The following RBFOX3 variants were observed in gnomAD, a reference collection of about 807,000 sequenced individuals.
The protein encoded by RBFOX3 is RNA binding protein fox-1 homolog 3.
In RBFOX3, 17 loss-of-function variants were observed where a neutral mutation model predicts 48.7. The ratio of observed to expected loss-of-function variants is 0.35; its 90% CI spans 0.24 to 0.52. The LOEUF (loss-of-function observed/expected upper bound fraction) is 0.52, where lower values mean the gene tolerates loss of function less well. RBFOX3 is among the 20% of genes least tolerant of loss of function. The pLI is 0.94. For synonymous variants in RBFOX3, 212 were observed against 209.5 expected, an observed-to-expected ratio of 1.01 and a Z score of -0.10; for missense variants, 382 against 497.5, an observed-to-expected ratio of 0.77 and a Z score of 2.21.
At chr17:79,173,242 A>C (rs2049780421) in intron 4 of RBFOX3, among the ~76,000 whole-genome samples, 1 of 152,232 alleles carries the variant, frequency 6.6e-6, no homozygotes. Context: ...ATACATACGT[A>C]CATACTACTA....
intron 1 of RBFOX3, chr17:79,600,090 C>T (rs2093670109): frequency 6.6e-6 from 1 of 152,228 alleles, no homozygotes; most frequent in East Asian, 1.9e-4. Context: ...TGCTCAGAAG[C>T]CCAGCTCCCG....
At chr17:79,654,372 A>C in the RBFOX3 span, among the ~76,000 whole-genome samples, 2 of 152,250 alleles carry the variant, frequency 1.3e-5, no homozygotes, top group African/African-American at 4.8e-5. Context: ...GTCAGGGAGC[A>C]GGGAAAGGGA....
intron 3 of RBFOX3, among the ~76,000 whole-genome samples, chr17:79,304,657 C>T (rs1447481544): frequency 6.6e-6 from 1 of 152,136 alleles, no homozygotes; most frequent in Admixed American, 6.5e-5. Flanking sequence ...AAGATACTGA[C>T]CTGACTTTAA....
intron 2 of RBFOX3, among the ~76,000 whole-genome samples, chr17:79,453,291 G>T (rs1465179520): frequency 6.6e-6 from 1 of 152,216 alleles, no homozygotes; most frequent in Non-Finnish European, 1.5e-5. Context: ...AGGCCCTCTG[G>T]GGCAGTGGCT....
chr17:79,615,057 A>C (rs890551241), upstream of RBFOX3, among the ~76,000 whole-genome samples: 18 of 138,326 alleles, frequency 1.3e-4, no homozygotes, highest in African/African-American at 5.9e-4. Flanking sequence ...AAAGTAAATC[A>C]CTGAAGAAAA....
chr17:79,549,668 A>AAGAGCCCTGTGGGG (rs1418826937), intron 1 of RBFOX3, among the ~76,000 whole-genome samples: 4 of 152,182 alleles, frequency 2.6e-5, no homozygotes, highest in African/African-American at 9.6e-5. Flanking sequence ...GCACTGGGGA[A>AAGAGCCCTGTGGGG]GGAGACAAAG....
At chr17:79,520,727 G>C (rs1185537620) in intron 1 of RBFOX3, among the ~76,000 whole-genome samples, 1 of 152,210 alleles carries the variant, frequency 6.6e-6, no homozygotes, top group Non-Finnish European at 1.5e-5. Flanking sequence ...CACAAGGGTG[G>C]GGTTCGTGTT....
intron 2 of RBFOX3, among the ~76,000 whole-genome samples, chr17:79,326,535 T>G (rs915194600): frequency 2.9e-4 from 44 of 152,148 alleles, no homozygotes; most frequent in African/African-American, 8.7e-4. Flanking sequence ...TATTCTTACT[T>G]TATAGGTGAG....
the RBFOX3 span, among the ~76,000 whole-genome samples, chr17:79,629,641 G>A: frequency 1.3e-5 from 2 of 152,240 alleles, no homozygotes; most frequent in African/African-American, 4.8e-5. Context: ...CCACTTATAG[G>A]AATTTACCCT....
At chr17:79,347,799 G>C (rs1339154892) in intron 2 of RBFOX3, among the ~76,000 whole-genome samples, 1 of 152,068 alleles carries the variant, frequency 6.6e-6, no homozygotes, top group Admixed American at 6.5e-5. Context: ...TGGTCCCTCT[G>C]TTCTGGTATT....
intron 4 of RBFOX3, among the ~76,000 whole-genome samples, chr17:79,166,536 AAGGGTCCCGAGGGAGGGC>A (rs2048050125): frequency 6.6e-6 from 1 of 152,084 alleles, no homozygotes; most frequent in South Asian, 2.1e-4. Context: ...GGGGCTTCGG[AAGGGTCCCGAGGGAGGGC>A]AGAGCCTCAG....
intron 4 of RBFOX3, chr17:79,132,713 C>G (rs1186743966): frequency 6.6e-6 from 1 of 152,212 alleles, no homozygotes; most frequent in Non-Finnish European, 1.5e-5. Flanking sequence ...CTCACTGGCC[C>G]TCCCCTGGGG....
At chr17:79,197,115 G>A (rs770882709) in intron 4 of RBFOX3, among the ~76,000 whole-genome samples, 44 of 152,272 alleles carry the variant, frequency 2.9e-4, no homozygotes, top group Non-Finnish European at 4.0e-4. Context: ...CTGGGCACGC[G>A]TGGGTAAAAT....
chr17:79,103,647 C>T lies in RBFOX3; in HGVS notation c.415-393G>A, dbSNP rs936015186. Among the ~76,000 whole-genome samples the T allele has an allele frequency of 3.9e-5, 6 of 152,118 alleles. No individual in the cohort carries two copies. The highest frequency in any genetic ancestry group is 1.4e-4 in the African/African-American group (6 of 41,418). ...CTTCAGGACCTGCAGGGGCAGCCCA[C>T]CCATCTCCACCCTCGGAGCCCAGGG... On this transcript the variant is annotated intron_variant, in intron 7 of 14. Coordinates refer to ENST00000693108, the MANE Select transcript of RBFOX3 (RefSeq NM_001350451.2). This position sits in a 1 kb window ranked among gnomAD's most constrained non-coding sequence, Gnocchi z 6.1.
At chr17:79,518,634 G>C (rs1048951750) in intron 1 of RBFOX3, among the ~76,000 whole-genome samples, 1 of 152,218 alleles carries the variant, frequency 6.6e-6, no homozygotes. Flanking sequence ...CAGGCCTGGC[G>C]GAACAGCCCC....
intron 2 of RBFOX3, among the ~76,000 whole-genome samples, chr17:79,441,072 A>G (rs879992827): frequency 1.3e-5 from 2 of 152,250 alleles, no homozygotes; most frequent in Non-Finnish European, 2.9e-5. Context: ...CGAGTGGATC[A>G]GGACCCCAGG....
At chr17:79,459,217 C>T (rs138289071) in intron 2 of RBFOX3, among the ~76,000 whole-genome samples, 9 of 152,284 alleles carry the variant, frequency 5.9e-5, no homozygotes, top group East Asian at 3.9e-4. Context: ...GCAGCAATGC[C>T]GCAGCGTCAC....
intron 1 of RBFOX3, among the ~76,000 whole-genome samples, chr17:79,573,325 G>A (rs1049139583): frequency 3.3e-5 from 5 of 152,236 alleles, no homozygotes; most frequent in Non-Finnish European, 5.9e-5. Flanking sequence ...GGCTCTGGAA[G>A]GAGCTGCACG....
chr17:79,467,340 T>C (rs2076450400), intron 2 of RBFOX3, among the ~76,000 whole-genome samples: 1 of 151,980 alleles, frequency 6.6e-6, no homozygotes, highest in African/African-American at 2.4e-5. Context: ...AATAAAGAAG[T>C]GGGTGGAGAT....
Sources: allele counts gnomAD v4.1 joint callset (sites outside exome capture counted in the v4.1 genomes callset), GRCh38; gene constraint gnomAD v4.1.1; non-coding constraint Gnocchi (gnomAD v3.1); transcripts MANE v1.5; gene names NCBI Gene and HGNC (gene_info 2026-07-23, HGNC 2026-07-21).